Variants in MAB21L3 observed in about 807,000 individuals in gnomAD.
The protein encoded by MAB21L3 is protein mab-21-like 3.
Under a neutral mutation model 37.7 loss-of-function variants are expected in MAB21L3, and 36 were observed. The observed-to-expected ratio is 0.96, with a 90% CI of 0.73 to 1.26. MAB21L3 has a LOEUF of 1.26. MAB21L3 is among the 50% of genes most tolerant of loss of function. The pLI, the probability that MAB21L3 is intolerant of heterozygous loss-of-function variation, is 0.00. For synonymous variants in MAB21L3, 186 were observed against 176.8 expected (o/e 1.05, Z -0.41); for missense variants, 430 against 447.3 (o/e 0.96, Z 0.35).
intron 5 of MAB21L3, among the ~76,000 whole-genome samples, chr1:116,126,493 A>G (rs899541903): frequency 6.6e-6 from 1 of 152,200 alleles, no homozygotes; most frequent in Non-Finnish European, 1.5e-5. Flanking sequence ...GATACCTCTG[A>G]GGCTCGGCTG....
chr1:116,133,750 C>T lies in MAB21L3; in HGVS notation c.*385C>T. 1 of 280,604 alleles carries T rather than the reference C, an allele frequency of 3.6e-6. No homozygotes were observed. Among genetic ancestry groups the T allele is most frequent in the Non-Finnish European group, 6.8e-6 (1 of 146,882 alleles). 17.4% of individuals were successfully genotyped at this position (280,604 alleles called of 1,614,324 possible). On this transcript the variant is annotated 3_prime_UTR_variant, in exon 8 of 8. Transcript: ENST00000369500. The stretch of plus-strand genomic sequence containing the variant: ...ATGAGCCTGCTGGCCAATACTGTGC[C>T]CAGCCCACTGATCATGGGCACATTC...
At position 116,133,322 on chromosome 1, in the gene MAB21L3, AG is replaced by A. The variant is rs779724102; in HGVS notation, c.1047del (p.Lys349AsnfsTer6). On this transcript the variant is annotated frameshift_variant, in exon 8 of 8. Coordinates refer to ENST00000369500, the MANE Select transcript of MAB21L3 (RefSeq NM_152367.3). LOFTEE classifies it high-confidence loss of function. ...ACTGAACTGGACACTGTGGCCCAAA[AG>A]CTGGCCACCTTCCTGAAGAACCCCC... is the stretch of plus-strand genomic sequence containing the variant. ...NPTELDTVAQ[K>X]LATFLKNPQI... The A allele has an allele frequency of 8.1e-6, 13 of 1,614,212 alleles. No homozygotes were observed. Among genetic ancestry groups the A allele is most frequent in the Non-Finnish European group, 2.5e-6 (3 of 1,180,030 alleles).
intron 4 of MAB21L3, 184 bp from the exon 5 acceptor site, chr1:116,123,882 C>T: frequency 1.7e-6 from 1 of 579,586 alleles, no homozygotes; most frequent in Admixed American, 3.2e-5. Flanking sequence ...TACAATGATT[C>T]AGTAGCAGAA....
At chr1:116,129,276 C>A (rs963203346) in intron 7 of MAB21L3, among the ~76,000 whole-genome samples, 1 of 152,334 alleles carries the variant, frequency 6.6e-6, no homozygotes, top group Non-Finnish European at 1.5e-5. Context: ...ACCACCCTCC[C>A]GACTCCCTCT....
Position 116,124,147 on chromosome 1 carries a change from C to G in MAB21L3, c.271C>G (p.Arg91Gly). The G allele has an allele frequency of 6.2e-7, 1 of 1,614,186 alleles. No individual in the cohort carries two copies. Among genetic ancestry groups the G allele is most frequent in the Non-Finnish European group, 8.5e-7 (1 of 1,180,030 alleles). Residue 91 changes from arginine (R) to glycine (G), a missense_variant, in exon 5 of 8, where the codon CGG becomes GGG. By Grantham distance (125) the Arg-to-Gly change is moderately radical. Transcript: ENST00000369500. ...GYREAREQHW[R>G]YYTLQGTRLP... is the part of the protein sequence containing the mutation. The stretch of plus-strand genomic sequence containing the variant: ...CAGGGAGGCCAGGGAGCAGCACTGG[C>G]GGTACTACACACTGCAGGGCACCAG...
chr1:116,116,117 C>T (rs1434954029), intron 3 of MAB21L3, among the ~76,000 whole-genome samples: 1 of 152,178 alleles, frequency 6.6e-6, no homozygotes, highest in Non-Finnish European at 1.5e-5. Flanking sequence ...GCCTGCTTTT[C>T]CACACCCTGA....
chr1:116,132,352 A>G (rs1660088708), intron 7 of MAB21L3, among the ~76,000 whole-genome samples: 1 of 152,072 alleles, frequency 6.6e-6, no homozygotes, highest in Non-Finnish European at 1.5e-5. Flanking sequence ...AAACCCAGAG[A>G]GCAGATTGCT....
intron 3 of MAB21L3, among the ~76,000 whole-genome samples, chr1:116,118,355 C>T (rs902686154): frequency 7.9e-5 from 12 of 151,304 alleles, no homozygotes; most frequent in African/African-American, 2.9e-4. Flanking sequence ...GCACTCCAGC[C>T]TGGCGACAGA....
chr1:116,120,392 T>C (rs1486146371), intron 3 of MAB21L3, among the ~76,000 whole-genome samples: 6 of 125,758 alleles, frequency 4.8e-5, no homozygotes, highest in African/African-American at 4.6e-5. Context: ...TCATACTTGA[T>C]ATTACATTAT....
rs1660191066 is a variant in MAB21L3, at chr1:116,135,961, A to G, written c.*2596A>G. Among the ~76,000 whole-genome samples, 1 of 151,340 alleles carries G rather than the reference A, an allele frequency of 6.6e-6. No homozygotes were observed. The highest frequency in any genetic ancestry group is 1.5e-5 in the Non-Finnish European group (1 of 67,948). ...GCTAAAAACTCTCAATAAATTAGGT[A>G]TTGATGGGACGTATTTCAAAATAAT... On this transcript the variant is annotated 3_prime_UTR_variant, in exon 8 of 8. Transcript: ENST00000369500.
chr1:116,132,761 C>T (rs889581124), intron 7 of MAB21L3, among the ~76,000 whole-genome samples: 2 of 152,072 alleles, frequency 1.3e-5, no homozygotes, highest in African/African-American at 2.4e-5. Flanking sequence ...GAGGGATCAG[C>T]CCCACAGGCA....
In MAB21L3 at chr1:116,133,133, CTG is replaced by C; in HGVS notation, c.860_861del (p.Val287AlafsTer12). The C allele has an allele frequency of 1.2e-6, 2 of 1,612,746 alleles. No homozygotes were observed. Among genetic ancestry groups the C allele is most frequent in the Non-Finnish European group, 1.7e-6 (2 of 1,178,750 alleles). Reference sequence around the variant, plus strand: ...TGACAGCACTTCTCCCTTCCACAGACTGTGCTCTTTTGGACCTGCGAGAAATA... The same window carrying C: ...TGACAGCACTTCTCCCTTCCACAGACTGCTCTTTTGGACCTGCGAGAAATA... On this transcript the variant is annotated frameshift_variant and splice_region_variant, in exon 8 of 8. Coordinates refer to ENST00000369500, the MANE Select transcript of MAB21L3 (RefSeq NM_152367.3). LOFTEE classifies it high-confidence loss of function.
rs567901884 is a variant in MAB21L3 at position 116,121,536 on chromosome 1, A to G, written c.189+464A>G. On this transcript the variant is annotated intron_variant, in intron 4 of 7. Coordinates refer to ENST00000369500, the MANE Select transcript of MAB21L3 (RefSeq NM_152367.3). Reference sequence around the variant, plus strand: ...CATTCCGCTGTCACAATCAAAGCTCAGTTAAATACACATTCATTTATTAAG... The same window carrying G: ...CATTCCGCTGTCACAATCAAAGCTCGGTTAAATACACATTCATTTATTAAG... Among the ~76,000 whole-genome samples the G allele has an allele frequency of 3.9e-5, 6 of 152,166 alleles. No individual in the cohort carries two copies. In the East Asian group the frequency reaches 1.2e-3, roughly 30 times the overall value.
intron 4 of MAB21L3, 183 bp from the exon 5 acceptor site, chr1:116,123,883 A>T (rs1460893591): frequency 4.8e-5 from 28 of 582,988 alleles, no homozygotes; most frequent in Non-Finnish European, 7.9e-5. Flanking sequence ...ACAATGATTC[A>T]GTAGCAGAAC....
chr1:116,131,803 ATGG>A (rs1660071643), intron 7 of MAB21L3, among the ~76,000 whole-genome samples: 1 of 152,194 alleles, frequency 6.6e-6, no homozygotes, highest in South Asian at 2.1e-4. Context: ...GATAATTTGG[ATGG>A]TGGCAAGAAC....
In MAB21L3 at chr1:116,136,700, C is replaced by T. The variant is rs1413831702; in HGVS notation, c.*3335C>T. ...TAAGCCAAAAGAACAAAGCTGGAGGCATCACACTACCTGACTTCAAACTAT... is the reference window on the plus strand; with the variant it reads ...TAAGCCAAAAGAACAAAGCTGGAGGTATCACACTACCTGACTTCAAACTAT... On this transcript the variant is annotated 3_prime_UTR_variant, in exon 8 of 8. Coordinates refer to ENST00000369500, the MANE Select transcript of MAB21L3 (RefSeq NM_152367.3). 6.6e-6 allele frequency among the ~76,000 whole-genome samples: 1 copy of T among 152,166 alleles called. No individual in the cohort carries two copies. Among genetic ancestry groups the T allele is most frequent in the Non-Finnish European group, 1.5e-5 (1 of 68,038 alleles).
chr1:116,125,772 T>TC (rs1389961670), intron 5 of MAB21L3, among the ~76,000 whole-genome samples: 283 of 146,092 alleles, frequency 1.9e-3, no homozygotes, highest in African/African-American at 7.5e-3. Context: ...ATTCTTTTCC[T>TC]ACCTGTTTTA....
chr1:116,121,745 A>G (rs1342145408), intron 4 of MAB21L3, among the ~76,000 whole-genome samples: 1 of 152,186 alleles, frequency 6.6e-6, no homozygotes, highest in African/African-American at 2.4e-5. Flanking sequence ...GTGTAAGCCA[A>G]TGGGTAACAC....
Position 116,121,135 on chromosome 1 carries a change from C to T in MAB21L3, c.189+63C>T, listed in dbSNP as rs972835683. 2.6e-5 allele frequency: 39 copies of T among 1,514,802 alleles called. No homozygotes were observed. In the African/African-American group the frequency reaches 4.0e-4, roughly 15 times the overall value. The allele number at this position is 1,514,802 out of a possible 1,614,324, so 93.8% of individuals were successfully genotyped here. On this transcript the variant is annotated intron_variant, in intron 4 of 7. Coordinates refer to ENST00000369500, the MANE Select transcript of MAB21L3 (RefSeq NM_152367.3). Reference sequence around the variant, plus strand: ...AGCCAGGACACTTGGGCAGGTGAATCTCAGTGTGTGACAGATGCTTGCCTC... The same window carrying T: ...AGCCAGGACACTTGGGCAGGTGAATTTCAGTGTGTGACAGATGCTTGCCTC...
Sources: gnomAD v4.1 joint callset for allele counts (sites outside exome capture counted in the v4.1 genomes callset) on GRCh38, gnomAD v4.1.1 for gene constraint, MANE v1.5 for transcripts, NCBI Gene and HGNC (gene_info 2026-07-23, HGNC 2026-07-21) for gene names.